RFX8: variants seen among roughly 807,000 people sequenced by gnomAD.
RFX8 encodes regulatory factor X8.
Under a neutral mutation model 54.6 loss-of-function variants are expected in RFX8, and 46 were observed. The observed-to-expected ratio is 0.84, with a 90% CI of 0.67 to 1.08. The LOEUF is 1.08. Among genes scored for constraint, RFX8 ranks in the 50% least tolerant of loss-of-function variants. The probability of loss-of-function intolerance (pLI) is 0.00; values close to 1 mark genes in which losing one functional copy is unlikely to be tolerated. For synonymous variants in RFX8, 192 were observed against 209.5 expected, an observed-to-expected ratio of 0.92 and a Z score of 0.72; for missense variants, 536 against 562.3, an observed-to-expected ratio of 0.95 and a Z score of 0.47.
intron 9 of RFX8, among the ~76,000 whole-genome samples, chr2:101,409,585 C>T (rs991628600): frequency 1.3e-5 from 2 of 151,916 alleles, no homozygotes; most frequent in Admixed American, 6.6e-5. Context: ...CTGCAACCTC[C>T]GCCTGCTGGG....
intron 2 of RFX8, among the ~76,000 whole-genome samples, chr2:101,425,925 T>G (rs906234084): frequency 6.6e-6 from 1 of 151,996 alleles, no homozygotes; most frequent in Non-Finnish European, 1.5e-5. Context: ...TGGAGAGAAG[T>G]TGATCAATGG....
At chr2:101,409,883 G>A (rs1486019743) in intron 9 of RFX8, among the ~76,000 whole-genome samples, 1 of 152,018 alleles carries the variant, frequency 6.6e-6, no homozygotes, top group African/African-American at 2.4e-5. Flanking sequence ...CTCTCTCAAG[G>A]CATTCTCAGC....
At chr2:101,421,532 T>C in intron 4 of RFX8, 192 bp downstream of exon 4, 9 of 1,299,600 alleles carry the variant, frequency 6.9e-6, no homozygotes, top group South Asian at 5.1e-5. Flanking sequence ...CTGATTACAC[T>C]GAATATCGAT....
At chr2:101,446,322 C>G (rs763661471) in intron 2 of RFX8, among the ~76,000 whole-genome samples, 2 of 152,084 alleles carry the variant, frequency 1.3e-5, no homozygotes, top group Non-Finnish European at 2.9e-5. Flanking sequence ...ACTACAGGCA[C>G]GTGCCACCAC....
At position 101,406,072 on chromosome 2, in the gene RFX8, T is replaced by C; in HGVS notation, c.814-15A>G. On this transcript the variant is annotated splice_polypyrimidine_tract_variant and intron_variant, in intron 9 of 11. Transcript: ENST00000428343. ...CTTCTGCTTGTCTGTTAAGTTTTTG[T>C]GAGAAAAAAGGCTGCAGTTTGTAAT... 1.4e-6 allele frequency: 2 copies of C among 1,479,322 alleles called. No individual in the cohort carries two copies. The highest frequency in any genetic ancestry group is 1.3e-5 in the South Asian group (1 of 78,462). The allele number at this position is 1,479,322 out of a possible 1,614,324, so 91.6% of individuals were successfully genotyped here.
chr2:101,432,464 G>A (rs907616799), intron 2 of RFX8, among the ~76,000 whole-genome samples: 34 of 152,326 alleles, frequency 2.2e-4, no homozygotes, highest in African/African-American at 7.5e-4. Flanking sequence ...AGGCTAGAGA[G>A]GAAGGTTGTG....
At chr2:101,430,244 G>C (rs995728662) in intron 2 of RFX8, among the ~76,000 whole-genome samples, 1 of 152,172 alleles carries the variant, frequency 6.6e-6, no homozygotes, top group Non-Finnish European at 1.5e-5. Context: ...TAGGGTGATG[G>C]GCAATGCTAG....
intron 8 of RFX8, among the ~76,000 whole-genome samples, chr2:101,411,129 G>A (rs777743714): frequency 6.6e-6 from 1 of 152,224 alleles, no homozygotes; most frequent in Non-Finnish European, 1.5e-5. Context: ...GCTGAGAGAG[G>A]GTGAGCGCCT....
intron 2 of RFX8, among the ~76,000 whole-genome samples, chr2:101,432,792 G>T (rs911453469): frequency 4.6e-5 from 7 of 152,214 alleles, no homozygotes; most frequent in African/African-American, 1.2e-4. Flanking sequence ...AGTCCAAAAG[G>T]CGTCTTCTCC....
intron 7 of RFX8, among the ~76,000 whole-genome samples, chr2:101,414,505 A>G (rs568389018): frequency 6.6e-6 from 1 of 151,238 alleles, no homozygotes; most frequent in Non-Finnish European, 1.5e-5. Context: ...AACTCCTGAC[A>G]TCAAGTAATC....
intron 2 of RFX8, among the ~76,000 whole-genome samples, chr2:101,449,610 T>C (rs1376682179): frequency 6.6e-6 from 1 of 152,136 alleles, no homozygotes; most frequent in African/African-American, 2.4e-5. Context: ...AGGCTAAATT[T>C]AGATTTCCAT....
intron 10 of RFX8, among the ~76,000 whole-genome samples, chr2:101,403,088 G>A (rs563805102): frequency 5.3e-5 from 8 of 152,312 alleles, no homozygotes; most frequent in African/African-American, 9.6e-5. Context: ...CAACCTCATC[G>A]TGCCCCATGT....
At position 101,419,040 on chromosome 2, in the gene RFX8, C is replaced by T. The variant is rs964107017; in HGVS notation, c.238-76G>A. The T allele has an allele frequency of 7.0e-6, 5 of 713,826 alleles. No individual in the cohort carries two copies. The African/African-American group carries it at 8.8e-5, about 13-fold the overall frequency. 44.2% of individuals were successfully genotyped at this position (713,826 alleles called of 1,614,324 possible). On this transcript the variant is annotated intron_variant, in intron 4 of 11. Coordinates refer to ENST00000428343, the MANE Select transcript of RFX8 (RefSeq NM_001145664.2). The stretch of plus-strand genomic sequence containing the variant: ...GACTAACCCCCCGCCACAGATACTT[C>T]CTTAGCCCCAGATGACAATGGGATG...
At chr2:101,423,259 CAAAAAAA>C (rs10686930) in intron 2 of RFX8, among the ~76,000 whole-genome samples, 20 of 97,004 alleles carry the variant, frequency 2.1e-4, no homozygotes, top group African/African-American at 7.6e-4. Context: ...AACTCCATCT[CAAAAAAA>C]AAAAAAAAAA....
At chr2:101,423,718 T>C (rs1687004170) in intron 2 of RFX8, among the ~76,000 whole-genome samples, 1 of 152,194 alleles carries the variant, frequency 6.6e-6, no homozygotes, top group Non-Finnish European at 1.5e-5. Context: ...TTCCTGTCTA[T>C]AAGACATCTG....
At chr2:101,415,814 C>T (rs1424931741) in intron 6 of RFX8, among the ~76,000 whole-genome samples, 6 of 152,282 alleles carry the variant, frequency 3.9e-5, no homozygotes, top group South Asian at 2.1e-4. Flanking sequence ...ATGCGATGTG[C>T]GAGCACAAGG....
rs1558896601 is a variant in RFX8, at chr2:101,469,067, TATATATATATAAGTGTATATATATAA to T, written c.-52-2193_-52-2168del. The stretch of plus-strand genomic sequence containing the variant: ...GTATATATATATACGTATATATATG[TATATATATATAAGTGTATATATATAA>T]GTATATATATATAAGTGTATATATA... On this transcript the variant is annotated intron_variant, in intron 1 of 11. Coordinates refer to ENST00000428343, the MANE Select transcript of RFX8 (RefSeq NM_001145664.2). Among the ~76,000 whole-genome samples the T allele has an allele frequency of 9.9e-3, 102 of 10,276 alleles. 2 individuals are homozygous for T. Among genetic ancestry groups the T allele is most frequent in the African/African-American group, 0.026 (74 of 2,840 alleles). The allele number at this position is 10,276 out of a possible 152,430, so 6.7% of individuals were successfully genotyped here. A position where few individuals can be genotyped will look rare whatever the true frequency, so the allele number is the denominator to read the frequency against.
chr2:101,419,594 G>T (rs972682191), intron 4 of RFX8, among the ~76,000 whole-genome samples: 1 of 152,186 alleles, frequency 6.6e-6, no homozygotes, highest in African/African-American at 2.4e-5. Flanking sequence ...CGCCAATAAA[G>T]ACTCTTGCCT....
rs1364824311 is a variant in RFX8 at position 101,410,863 on chromosome 2, G to A, written c.719-150C>T. On this transcript the variant is annotated intron_variant, in intron 8 of 11. Coordinates refer to ENST00000428343, the MANE Select transcript of RFX8 (RefSeq NM_001145664.2). Reference sequence around the variant, plus strand: ...CCTCATGCTCATTGTGAACACAGAGGATGTCCTGAGGCTGGCTTTGTCACT... The same window carrying A: ...CCTCATGCTCATTGTGAACACAGAGAATGTCCTGAGGCTGGCTTTGTCACT... 72 of 585,292 alleles carry A rather than the reference G, an allele frequency of 1.2e-4. 1 individual carries two copies. The East Asian group carries it at 2.0e-3, about 16-fold the overall frequency. The allele number at this position is 585,292 out of a possible 1,614,324, so 36.3% of individuals were successfully genotyped here.
Sources: allele counts gnomAD v4.1 joint callset (sites outside exome capture counted in the v4.1 genomes callset), GRCh38; gene constraint gnomAD v4.1.1; transcripts MANE v1.5; gene names NCBI Gene and HGNC (gene_info 2026-07-23, HGNC 2026-07-21).